Variants in DPP6 observed in about 807,000 individuals in gnomAD.
The protein encoded by DPP6 is dipeptidyl peptidase like 6.
A neutral mutation model predicts 122.6 loss-of-function variants in DPP6; 69 were observed. That is an observed-to-expected ratio of 0.56 (90% CI 0.46 to 0.69). The LOEUF (loss-of-function observed/expected upper bound fraction) is 0.69. DPP6 is among the 30% of genes least tolerant of loss of function. The probability of loss-of-function intolerance (pLI) is 0.00; values close to 1 mark genes in which losing one functional copy is unlikely to be tolerated. For missense variants in DPP6, 928 were observed against 1,116.9 expected, an observed-to-expected ratio of 0.83 and a Z score of 2.41; for synonymous variants, 418 against 433.1, an observed-to-expected ratio of 0.97 and a Z score of 0.43.
intron 1 of DPP6, among the ~76,000 whole-genome samples, chr7:154,267,564 CAT>C (rs576173247): frequency 6.6e-6 from 1 of 151,052 alleles, no homozygotes; most frequent in African/African-American, 2.4e-5. Context: ...CATATACACA[CAT>C]GTACACACAC....
At chr7:154,889,231 T>G (rs1413693530) in intron 23 of DPP6, 41 bp from the exon 24 acceptor site, 2 of 1,602,434 alleles carry the variant, frequency 1.2e-6, no homozygotes, top group South Asian at 2.3e-5. Flanking sequence ...CTCCCTGCAG[T>G]GCAGCCCCCT....
intron 7 of DPP6, among the ~76,000 whole-genome samples, chr7:154,673,064 C>G (rs545192094): frequency 4.6e-5 from 7 of 152,236 alleles, no homozygotes; most frequent in Admixed American, 6.5e-5. Flanking sequence ...CACAGGTACT[C>G]CCCACACCTG....
chr7:153,782,391 C>T, the DPP6 span, among the ~76,000 whole-genome samples: 853 of 152,068 alleles, frequency 5.6e-3, 5 homozygotes, highest in African/African-American at 0.019. Context: ...GGAAGCGAAC[C>T]GTGGCACTGT....
At chr7:154,385,110 C>T (rs1218007668) in intron 1 of DPP6, among the ~76,000 whole-genome samples, 1 of 152,160 alleles carries the variant, frequency 6.6e-6, no homozygotes, top group African/African-American at 2.4e-5. Flanking sequence ...GCTGGGACTA[C>T]AGGTGCCCGC....
At chr7:154,184,683 A>G (rs1440084573) in intron 1 of DPP6, among the ~76,000 whole-genome samples, 7 of 130,744 alleles carry the variant, frequency 5.4e-5, no homozygotes, top group African/African-American at 2.2e-4. Context: ...TAATTTCTGG[A>G]AAAAAAAAAA....
chr7:153,781,732 G>T, the DPP6 span, among the ~76,000 whole-genome samples: 1 of 151,808 alleles, frequency 6.6e-6, no homozygotes, highest in Non-Finnish European at 1.5e-5. Context: ...TGATAGCAGG[G>T]TTAGATTAAC....
At chr7:153,956,883 C>T (rs189417561) in intron 1 of DPP6, among the ~76,000 whole-genome samples, 22 of 152,216 alleles carry the variant, frequency 1.4e-4, no homozygotes, top group Admixed American at 1.2e-3. Flanking sequence ...TATCTGGAAT[C>T]GGTTAGTTCT....
At chr7:154,424,445 T>G (rs12111699) in intron 1 of DPP6, among the ~76,000 whole-genome samples, 4,252 of 152,274 alleles carry the variant, frequency 0.028, 186 homozygotes, top group African/African-American at 0.097. Context: ...GGCTTCTACA[T>G]GTCTTGGCTC....
At chr7:154,152,617 A>G (rs1796479897) in intron 1 of DPP6, among the ~76,000 whole-genome samples, 1 of 152,254 alleles carries the variant, frequency 6.6e-6, no homozygotes, top group Admixed American at 6.5e-5. Flanking sequence ...GTAACCTTAG[A>G]GTTCACTTAG....
At chr7:154,134,331 C>T (rs879575933) in intron 1 of DPP6, among the ~76,000 whole-genome samples, 2 of 152,154 alleles carry the variant, frequency 1.3e-5, no homozygotes, top group Non-Finnish European at 2.9e-5. Context: ...TCCCTCTGAT[C>T]CCATTGCCCT....
At chr7:154,475,076 C>G (rs780221429) in intron 3 of DPP6, 39 bp downstream of exon 3, 21 of 1,459,420 alleles carry the variant, frequency 1.4e-5, no homozygotes, top group African/African-American at 4.2e-5. Flanking sequence ...ATCGCTTCCC[C>G]ATGCCTCACC....
At chr7:154,232,627 C>T (rs62484142) in intron 1 of DPP6, among the ~76,000 whole-genome samples, 10,032 of 152,238 alleles carry the variant, frequency 0.066, 656 homozygotes, top group African/African-American at 0.16. Flanking sequence ...GCTCATCCCA[C>T]ATTCAGACCC....
At chr7:154,367,386 T>C (rs1174805043) in intron 1 of DPP6, among the ~76,000 whole-genome samples, 1 of 152,214 alleles carries the variant, frequency 6.6e-6, no homozygotes, top group Non-Finnish European at 1.5e-5. Context: ...ATTTGAACTT[T>C]TTTTTAAATT....
intron 4 of DPP6, among the ~76,000 whole-genome samples, chr7:154,546,012 T>C (rs1829155720): frequency 1.3e-5 from 2 of 152,172 alleles, no homozygotes. Flanking sequence ...TATTGATGCA[T>C]TTTTATTTGC....
chr7:154,247,910 G>C (rs1372305000), intron 1 of DPP6, among the ~76,000 whole-genome samples: 1 of 152,182 alleles, frequency 6.6e-6, no homozygotes, highest in Non-Finnish European at 1.5e-5. Context: ...AACTGTTATT[G>C]TGTTAGTCGG....
chr7:154,214,784 G>A (rs1029628058), intron 1 of DPP6, among the ~76,000 whole-genome samples: 2 of 152,222 alleles, frequency 1.3e-5, no homozygotes, highest in South Asian at 2.1e-4. Flanking sequence ...CAGGTGTGGG[G>A]GTGTGTGCCT....
chr7:154,816,276 T>TGA (rs57337365), intron 16 of DPP6, among the ~76,000 whole-genome samples: 2 of 152,166 alleles, frequency 1.3e-5, no homozygotes, highest in African/African-American at 2.4e-5. Flanking sequence ...TAAGATATTT[T>TGA]GAGAGAGAGA....
chr7:154,756,366 G>A (rs952358940), intron 8 of DPP6, among the ~76,000 whole-genome samples: 1 of 151,802 alleles, frequency 6.6e-6, no homozygotes, highest in Non-Finnish European at 1.5e-5. Flanking sequence ...CCCCGAGGCT[G>A]GCATGCAGCC....
rs1381253030 is a variant in DPP6 at position 154,561,430 on chromosome 7, A to G, written c.553-5412A>G. Among the ~76,000 whole-genome samples, 3 of 152,246 alleles carry G rather than the reference A, an allele frequency of 2.0e-5. No individual in the cohort carries two copies. In the East Asian group the frequency reaches 5.8e-4, roughly 29 times the overall value. The stretch of plus-strand genomic sequence containing the variant: ...TTTAACAGAAACAAACTAGAAATCA[A>G]TACCAGAAAAAATATCTGGAATGTA... On this transcript the variant is annotated intron_variant, in intron 4 of 25. Transcript: ENST00000377770.
Sources: gnomAD v4.1 joint callset for allele counts (sites outside exome capture counted in the v4.1 genomes callset) on GRCh38, gnomAD v4.1.1 for gene constraint, MANE v1.5 for transcripts, NCBI Gene and HGNC (gene_info 2026-07-23, HGNC 2026-07-21) for gene names.